Variants in DNAH5 observed in about 807,000 individuals in gnomAD.
DNAH5 encodes the protein axonemal beta dynein heavy chain 5.
DNAH5 carries 372 observed loss-of-function variants against 518.2 expected under a neutral mutation model. That is an observed-to-expected ratio of 0.72 (90% CI 0.66 to 0.78). The LOEUF (loss-of-function observed/expected upper bound fraction) is 0.78. Among genes scored for constraint, DNAH5 ranks in the 30% least tolerant of loss-of-function variants. DNAH5 has a pLI of 0.00. For missense variants in DNAH5, 5,523 were observed against 5,687.0 expected (o/e 0.97, Z 0.93); for synonymous variants, 2,039 against 2,025.9 (o/e 1.01, Z -0.17).
intron 65 of DNAH5, 80 bp from the exon 66 acceptor site, chr5:13,737,575 C>T: frequency 6.8e-7 from 1 of 1,467,184 alleles, no homozygotes; most frequent in Non-Finnish European, 9.4e-7. Flanking sequence ...ACCTACATGG[C>T]TGCTTTGAAG....
chr5:13,693,165 C>T (rs180957080), intron 78 of DNAH5, among the ~76,000 whole-genome samples: 138 of 152,092 alleles, frequency 9.1e-4, no homozygotes, highest in African/African-American at 3.2e-3. Flanking sequence ...TGTACTCTTC[C>T]GGGAAGTCAA....
intron 1 of DNAH5, among the ~76,000 whole-genome samples, chr5:13,960,783 C>T (rs763551938): frequency 3.5e-4 from 54 of 152,366 alleles, no homozygotes; most frequent in Non-Finnish European, 6.5e-4. Context: ...GGCTACTCCA[C>T]ACGCACCATG....
Position 13,820,367 on chromosome 5 carries a change from T to C in DNAH5, c.6820A>G (p.Thr2274Ala). The part of the protein sequence containing the change: ...SGAGKTTCIH[T>A]LMRAMTDCGK... ...GTACCTGTCATGGCTCTCATCAAGG[T>C]GTGGATGCAGGTGGTCTTCCCAGCC... The change falls in exon 41 of 79, where the codon ACC becomes GCC. Residue 2274 changes from threonine (T) to alanine (A), a missense_variant. Transcript: ENST00000265104. 1 of 1,611,930 alleles carries C rather than the reference T, an allele frequency of 6.2e-7. No individual in the cohort carries two copies. Among genetic ancestry groups the C allele is most frequent in the Non-Finnish European group, 8.5e-7 (1 of 1,180,012 alleles).
chr5:13,810,617 G>A (rs58944117), intron 44 of DNAH5: 33,502 of 177,414 alleles, frequency 0.19, 3,690 homozygotes, highest in East Asian at 0.52. Flanking sequence ...AGCCGAGGGT[G>A]GTGGCGGGCG....
At chr5:13,783,797 C>T (rs758799736) in intron 52 of DNAH5, among the ~76,000 whole-genome samples, 1 of 152,196 alleles carries the variant, frequency 6.6e-6, no homozygotes, top group Non-Finnish European at 1.5e-5. Flanking sequence ...TTCTATCGTG[C>T]CTTGTAACTA....
At chr5:13,842,423 A>AAAAG (rs77171541) in intron 32 of DNAH5, among the ~76,000 whole-genome samples, 9,541 of 75,776 alleles carry the variant, frequency 0.13, 672 homozygotes, top group East Asian at 0.14. Flanking sequence ...AAAAGAAAAG[A>AAAAG]AAAGAAAGAA....
rs58906845 is a variant in DNAH5, at chr5:13,799,211, C to CA, written c.7888-5154_7888-5153insT. ...AATAGCAAAAAGAATTTCATACCCCCCCCCACAAAAATGCAAAATTGTTTG... is the reference window on the plus strand; with the variant it reads ...AATAGCAAAAAGAATTTCATACCCCCACCCCACAAAAATGCAAAATTGTTTG... On this transcript the variant is annotated intron_variant, in intron 47 of 78. Transcript: ENST00000265104. 2.4e-3 allele frequency among the ~76,000 whole-genome samples: 354 copies of CA among 148,880 alleles called. 6 individuals carry two copies. Among genetic ancestry groups the CA allele is most frequent in the Middle Eastern group, 0.021 (6 of 292 alleles).
At position 13,919,182 on chromosome 5, in the gene DNAH5, C is replaced by T; in HGVS notation, c.969G>A (p.Leu323=). 1.2e-6 allele frequency: 2 copies of T among 1,613,980 alleles called. No homozygotes were observed. Among genetic ancestry groups the T allele is most frequent in the Non-Finnish European group, 1.7e-6 (2 of 1,179,856 alleles). ...LAVLAAAKSK[L]LKTWREMDIR... is the part of the protein sequence containing the mutation. ...AAATGAAATGGCTGACGACCTTCAGCAGTTTCGACTTGGCCGCCGCAAGCA... is the reference window on the plus strand; with the variant it reads ...AAATGAAATGGCTGACGACCTTCAGTAGTTTCGACTTGGCCGCCGCAAGCA... The change falls in exon 7 of 79, where the codon CTG becomes CTA. Residue 323 remains leucine, a synonymous_variant. Coordinates refer to ENST00000265104, the MANE Select transcript of DNAH5 (RefSeq NM_001369.3).
In DNAH5 at chr5:13,896,006, A is replaced by G. The variant is rs1355124187; in HGVS notation, c.2260-1185T>C. ...TGTACCTAGACTTATTGGGAGAGTG[A>G]GTGGAAGCAGGGAGACAACAGTAGA... is the stretch of plus-strand genomic sequence containing the variant. On this transcript the variant is annotated intron_variant, in intron 15 of 78. Transcript: ENST00000265104. Among the ~76,000 whole-genome samples the G allele has an allele frequency of 2.6e-5, 4 of 151,910 alleles. No individual in the cohort carries two copies. In the East Asian group the frequency reaches 8.0e-4, roughly 30 times the overall value.
chr5:13,808,246 A>AAAAAAAAAAAAAAAAAAAG (rs1377994954), intron 46 of DNAH5, among the ~76,000 whole-genome samples: 1 of 143,742 alleles, frequency 7.0e-6, no homozygotes, highest in African/African-American at 2.7e-5. Flanking sequence ...AAAAAAAAAA[A>AAAAAAAAAAAAAAAAAAAG]AAGAGGAAAT....
chr5:13,937,707 C>T (rs547596490), intron 1 of DNAH5, among the ~76,000 whole-genome samples: 2 of 152,098 alleles, frequency 1.3e-5, no homozygotes, highest in South Asian at 2.1e-4. Flanking sequence ...TTCTAGGTGA[C>T]ATGATTAGCT....
At chr5:13,740,129 A>C (rs1339665194) in intron 65 of DNAH5, among the ~76,000 whole-genome samples, 2 of 152,072 alleles carry the variant, frequency 1.3e-5, no homozygotes, top group Non-Finnish European at 2.9e-5. Context: ...CCTCAAATTC[A>C]ACAACAAATT....
At chr5:13,748,729 T>C (rs960451040) in intron 65 of DNAH5, among the ~76,000 whole-genome samples, 13 of 152,190 alleles carry the variant, frequency 8.5e-5, no homozygotes, top group Non-Finnish European at 1.9e-4. Context: ...ACATTGCTTT[T>C]GTATCCTGAG....
Position 13,708,349 on chromosome 5 carries a change from A to G in DNAH5, c.13126-14T>C. On this transcript the variant is annotated splice_polypyrimidine_tract_variant and intron_variant, in intron 75 of 78. Coordinates refer to ENST00000265104, the MANE Select transcript of DNAH5 (RefSeq NM_001369.3). ...CCTCTCTTTTACCTGCCATGGAGACATTCAAAGCACATGTTAACAATTAGC... is the reference window on the plus strand; with the variant it reads ...CCTCTCTTTTACCTGCCATGGAGACGTTCAAAGCACATGTTAACAATTAGC... 6.2e-7 allele frequency: 1 copy of G among 1,613,324 alleles called. No individual in the cohort carries two copies. The highest frequency in any genetic ancestry group is 8.5e-7 in the Non-Finnish European group (1 of 1,179,688).
chr5:13,724,588 A>G (rs1293918819), intron 70 of DNAH5, among the ~76,000 whole-genome samples: 1 of 152,138 alleles, frequency 6.6e-6, no homozygotes, highest in East Asian at 1.9e-4. Flanking sequence ...GGAATAATAT[A>G]GTTTGAATGT....
At chr5:13,793,805 G>A in intron 48 of DNAH5, 77 bp from the exon 49 acceptor site, 2 of 1,571,772 alleles carry the variant, frequency 1.3e-6, no homozygotes, top group Non-Finnish European at 8.7e-7. Flanking sequence ...TGTTTCCAAA[G>A]AAAGAACTTT....
intron 32 of DNAH5, among the ~76,000 whole-genome samples, chr5:13,843,432 C>A (rs571649881): frequency 6.6e-6 from 1 of 152,184 alleles, no homozygotes; most frequent in African/African-American, 2.4e-5. Flanking sequence ...CTCATGGCTC[C>A]CTGTTGTGGG....
At chr5:13,882,674 CT>C in intron 21 of DNAH5, 53 bp downstream of exon 21, 1 of 1,367,898 alleles carries the variant, frequency 7.3e-7, no homozygotes, top group Non-Finnish European at 1.0e-6. Flanking sequence ...AACATTTAAG[CT>C]CAATGAATGT....
intron 42 of DNAH5, among the ~76,000 whole-genome samples, chr5:13,817,070 T>A (rs1761542488): frequency 1.3e-5 from 2 of 152,254 alleles, no homozygotes; most frequent in Admixed American, 1.3e-4. Context: ...CCAATGTCCA[T>A]CTACACAGAA....
Sources: allele counts gnomAD v4.1 joint callset (sites outside exome capture counted in the v4.1 genomes callset), GRCh38; gene constraint gnomAD v4.1.1; transcripts MANE v1.5; gene names NCBI Gene and HGNC (gene_info 2026-07-23, HGNC 2026-07-21).